Variants in CNKSR2 observed in about 807,000 individuals in gnomAD.
CNKSR2 encodes CNK homolog protein 2.
Under a neutral mutation model 84.4 loss-of-function variants are expected in CNKSR2, and 14 were observed. That is an observed-to-expected ratio of 0.17 (90% CI 0.11 to 0.26). The LOEUF is 0.26. CNKSR2 is among the 10% of genes least tolerant of loss of function. The pLI is 1.00. For synonymous variants in CNKSR2, 275 were observed against 277.9 expected, an observed-to-expected ratio of 0.99 and a Z score of 0.10; for missense variants, 485 against 771.2, an observed-to-expected ratio of 0.63 and a Z score of 4.40.
In CNKSR2 at chrX:21,382,384, CACTT is replaced by C. The variant is rs779669843; in HGVS notation, c.64+7425_64+7428del. ...TAGTATAAATATTACTTACTAATAT[CACTT>C]AGTAAGACAACATGATAAGCAAATA... is the stretch of plus-strand genomic sequence containing the variant. On this transcript the variant is annotated intron_variant, in intron 1 of 21. Transcript: ENST00000379510. Among the ~76,000 whole-genome samples, 21 of 111,636 alleles carry C rather than the reference CACTT, an allele frequency of 1.9e-4. No individual in the cohort carries two copies. In the South Asian group the frequency reaches 7.4e-3, roughly 40 times the overall value.
At position 21,609,592 on chromosome X, in the gene CNKSR2, A is replaced by T; in HGVS notation, c.2667A>T (p.Ala889=). 1 of 1,204,926 alleles carries T rather than the reference A, an allele frequency of 8.3e-7. No individual in the cohort carries two copies. Among genetic ancestry groups the T allele is most frequent in the Non-Finnish European group, 1.1e-6 (1 of 893,223 alleles). Residue 889 remains alanine (A), a synonymous_variant, in exon 20 of 22, where the codon GCA becomes GCT. Transcript: ENST00000379510. ...EEEEEEEEGE[A]AGENIGEKSE... ...AGGAGGAGGAGGAGGAAGGGGAGGC[A>T]GCAGGGGAAAACATAGGAGAAAAAA...
chrX:21,500,778 G>A (rs1014067189), intron 7 of CNKSR2, among the ~76,000 whole-genome samples: 2 of 110,834 alleles, frequency 1.8e-5, no homozygotes, highest in South Asian at 7.4e-4. Flanking sequence ...TTAGATTATT[G>A]CATTCTATAG....
At chrX:21,502,558 A>G (rs1300120239) in intron 8 of CNKSR2, among the ~76,000 whole-genome samples, 1 of 110,284 alleles carries the variant, frequency 9.1e-6, no homozygotes, top group Non-Finnish European at 1.9e-5. Context: ...GATGGAAGAA[A>G]TTTTGTGAAA....
intron 5 of CNKSR2, among the ~76,000 whole-genome samples, chrX:21,488,590 A>G (rs888593538): frequency 8.9e-6 from 1 of 111,816 alleles, no homozygotes; most frequent in Non-Finnish European, 1.9e-5. Context: ...TGCAAACAGC[A>G]CTAGCACAAT....
chrX:21,408,985 G>T (rs186471059), intron 1 of CNKSR2, among the ~76,000 whole-genome samples: 2 of 106,842 alleles, frequency 1.9e-5, no homozygotes, highest in African/African-American at 3.4e-5. Context: ...TAAATTCCTG[G>T]CAAGGAATTT....
At chrX:21,473,939 C>T (rs1207252295) in intron 5 of CNKSR2, among the ~76,000 whole-genome samples, 2 of 107,157 alleles carry the variant, frequency 1.9e-5, no homozygotes, top group Non-Finnish European at 3.8e-5. Flanking sequence ...TTAGTAGAGA[C>T]GGGGTTTCAC....
At chrX:21,496,765 G>A (rs1158325464) in intron 6 of CNKSR2, among the ~76,000 whole-genome samples, 1 of 110,725 alleles carries the variant, frequency 9.0e-6, no homozygotes, top group Non-Finnish European at 1.9e-5. Flanking sequence ...TGGTATTGTT[G>A]GTTGTTATTA....
chrX:21,569,811 C>T (rs182670147), intron 13 of CNKSR2, among the ~76,000 whole-genome samples: 57 of 112,207 alleles, frequency 5.1e-4, no homozygotes, highest in African/African-American at 1.7e-3. Flanking sequence ...AACATGAAAA[C>T]AACATTAACC....
chrX:21,511,770 G>T (rs184817721), intron 8 of CNKSR2, among the ~76,000 whole-genome samples: 9 of 111,441 alleles, frequency 8.1e-5, no homozygotes, highest in Admixed American at 2.9e-4. Context: ...TGTTTCTCCT[G>T]CCTCATTACT....
chrX:21,406,144 C>T (rs1050012930), intron 1 of CNKSR2, among the ~76,000 whole-genome samples: 2 of 111,152 alleles, frequency 1.8e-5, no homozygotes, highest in African/African-American at 3.3e-5. Flanking sequence ...ATCAGATGAC[C>T]GGTGCCATTT....
intron 5 of CNKSR2, among the ~76,000 whole-genome samples, chrX:21,485,541 T>C (rs1266420764): frequency 9.0e-6 from 1 of 111,032 alleles, no homozygotes; most frequent in Admixed American, 9.7e-5. Flanking sequence ...GAATATGATG[T>C]ATTATATTCA....
chrX:21,432,439 A>C (rs999303982), intron 2 of CNKSR2, among the ~76,000 whole-genome samples, 173 bp from the exon 3 acceptor site: 1 of 111,555 alleles, frequency 9.0e-6, no homozygotes, highest in Non-Finnish European at 1.9e-5. Context: ...TTTATATGAC[A>C]TCTTCCCAAA....
chrX:21,430,324 CTG>C, intron 2 of CNKSR2, among the ~76,000 whole-genome samples: 1 of 111,310 alleles, frequency 9.0e-6, no homozygotes, highest in East Asian at 2.8e-4. Flanking sequence ...TTTGAAGACT[CTG>C]GAATATTTTT....
At chrX:21,511,194 G>A (rs772952410) in intron 8 of CNKSR2, among the ~76,000 whole-genome samples, 2 of 111,202 alleles carry the variant, frequency 1.8e-5, no homozygotes, top group African/African-American at 3.3e-5. Flanking sequence ...TAGGTCTGGA[G>A]TATTCAAGAT....
intron 1 of CNKSR2, among the ~76,000 whole-genome samples, chrX:21,407,514 T>C (rs2090280005): frequency 9.0e-6 from 1 of 110,943 alleles, no homozygotes; most frequent in Non-Finnish European, 1.9e-5. Flanking sequence ...CACAAGATTA[T>C]CAAGAACCCC....
At chrX:21,503,318 G>C (rs944690596) in intron 8 of CNKSR2, 7 of 293,267 alleles carry the variant, frequency 2.4e-5, no homozygotes, top group African/African-American at 1.9e-4. Context: ...CTCTGAAATT[G>C]ACTTATGGCT....
intron 4 of CNKSR2, among the ~76,000 whole-genome samples, chrX:21,464,006 C>T (rs2091094821): frequency 9.0e-6 from 1 of 111,705 alleles, no homozygotes; most frequent in Non-Finnish European, 1.9e-5. Context: ...TGTCTCTGGG[C>T]CCAGCTTAGC....
At position 21,609,374 on chromosome X, in the gene CNKSR2, C is replaced by T. The variant is rs150659246; in HGVS notation, c.2449C>T (p.Leu817=). 4.6e-4 allele frequency: 557 copies of T among 1,210,013 alleles called. 2 individuals carry two copies. In the African/African-American group the frequency reaches 8.2e-3, roughly 18 times the overall value. Residue 817 remains leucine, a synonymous_variant, in exon 20 of 22, where the codon CTG becomes TTG. Coordinates refer to ENST00000379510, the MANE Select transcript of CNKSR2 (RefSeq NM_014927.5). ...TACCCTGCCAACTCAGAAATGCCACCTGCAGGATCACTATGGGCCATACCC... is the reference window on the plus strand; with the variant it reads ...TACCCTGCCAACTCAGAAATGCCACTTGCAGGATCACTATGGGCCATACCC... ...QSTLPTQKCH[L]QDHYGPYPLA...
intron 9 of CNKSR2, among the ~76,000 whole-genome samples, chrX:21,521,342 G>A (rs1355656740): frequency 9.0e-6 from 1 of 110,943 alleles, no homozygotes; most frequent in Admixed American, 9.6e-5. Context: ...ATACATGCAA[G>A]TAATTGTCAA....
Sources: gnomAD v4.1 joint callset for allele counts (sites outside exome capture counted in the v4.1 genomes callset) on GRCh38, gnomAD v4.1.1 for gene constraint, MANE v1.5 for transcripts, NCBI Gene and HGNC (gene_info 2026-07-23, HGNC 2026-07-21) for gene names.